The following LAMA2 variants were observed in gnomAD, a reference collection of about 807,000 sequenced individuals.
LAMA2 encodes laminin subunit alpha 2.
Under a neutral mutation model 364.8 loss-of-function variants are expected in LAMA2, and 269 were observed. The ratio of observed to expected loss-of-function variants is 0.74; its 90% CI spans 0.67 to 0.82. The LOEUF is 0.82. LAMA2 is among the 40% of genes least tolerant of loss of function. LAMA2 has a pLI of 0.00. For missense variants in LAMA2, 3,807 were observed against 3,873.2 expected, an observed-to-expected ratio of 0.98 and a Z score of 0.45; for synonymous variants, 1,379 against 1,370.6, an observed-to-expected ratio of 1.01 and a Z score of -0.14.
intron 2 of LAMA2, 29 bp from the exon 3 acceptor site, chr6:129,059,755 C>T (rs1788760055): frequency 7.4e-7 from 1 of 1,342,454 alleles, no homozygotes; most frequent in Non-Finnish European, 1.1e-6. Context: ...TTTTCTTCTT[C>T]CTTTCATATG....
intron 45 of LAMA2, among the ~76,000 whole-genome samples, chr6:129,449,505 C>T (rs1295485420): frequency 6.6e-6 from 1 of 152,126 alleles, no homozygotes; most frequent in Non-Finnish European, 1.5e-5. Context: ...GACCGAAACA[C>T]TTCCCAAAAG....
chr6:128,898,502 G>T lies in LAMA2; in HGVS notation c.112+15145G>T, dbSNP rs566902434. Among the ~76,000 whole-genome samples, 8 of 152,258 alleles carry T rather than the reference G, an allele frequency of 5.3e-5. No homozygotes were observed. The South Asian group carries it at 8.3e-4, about 16-fold the overall frequency. On this transcript the variant is annotated intron_variant, in intron 1 of 64. Coordinates refer to ENST00000421865, the MANE Select transcript of LAMA2 (RefSeq NM_000426.4). ...CCTCCCAGATTGAAATAATCAGCAT[G>T]TCTGTCATCCACACCACCAGAGTTT...
intron 1 of LAMA2, among the ~76,000 whole-genome samples, chr6:128,937,913 T>A (rs1461901427): frequency 1.3e-5 from 2 of 152,042 alleles, no homozygotes; most frequent in Non-Finnish European, 2.9e-5. Flanking sequence ...TATAGGCATT[T>A]ATCAATGTAA....
intron 1 of LAMA2, among the ~76,000 whole-genome samples, chr6:128,997,215 A>G (rs994932385): frequency 1.3e-5 from 2 of 152,058 alleles, no homozygotes; most frequent in African/African-American, 4.8e-5. Flanking sequence ...GCAAACCACC[A>G]TGGCACATGT....
At chr6:129,112,598 T>C (rs182184966) in intron 4 of LAMA2, among the ~76,000 whole-genome samples, 1 of 152,090 alleles carries the variant, frequency 6.6e-6, no homozygotes, top group Admixed American at 6.6e-5. Context: ...AGCACTGTCT[T>C]TATGGCAAAC....
At chr6:128,907,447 G>T (rs1481079101) in intron 1 of LAMA2, among the ~76,000 whole-genome samples, 3 of 152,094 alleles carry the variant, frequency 2.0e-5, no homozygotes, top group African/African-American at 7.2e-5. Flanking sequence ...TCTGTTGTTG[G>T]TGTATAAGAA....
intron 7 of LAMA2, among the ~76,000 whole-genome samples, chr6:129,153,378 G>A (rs1778925582): frequency 1.3e-5 from 2 of 152,288 alleles, no homozygotes; most frequent in Non-Finnish European, 2.9e-5. Context: ...TGACTGCTAA[G>A]TAGAGGAGAG....
chr6:129,335,438 G>A (rs1219831703), intron 29 of LAMA2, among the ~76,000 whole-genome samples: 1 of 151,740 alleles, frequency 6.6e-6, no homozygotes, highest in Non-Finnish European at 1.5e-5. Context: ...GCTACACCCT[G>A]TAGTCAGATT....
intron 40 of LAMA2, among the ~76,000 whole-genome samples, chr6:129,413,937 C>T (rs2114716232): frequency 6.6e-6 from 1 of 152,168 alleles, no homozygotes. Context: ...GTTGACAAAA[C>T]AGCAAGTTGA....
At chr6:129,154,184 C>T (rs186159729) in intron 7 of LAMA2, among the ~76,000 whole-genome samples, 56 of 152,148 alleles carry the variant, frequency 3.7e-4, no homozygotes, top group Middle Eastern at 3.4e-3. Context: ...GAGGCTGAGG[C>T]GGGTGGATCA....
chr6:129,306,437 G>A (rs1583458187), intron 22 of LAMA2, among the ~76,000 whole-genome samples: 1 of 126,166 alleles, frequency 7.9e-6, no homozygotes, highest in African/African-American at 3.0e-5. Flanking sequence ...TTTTCTTTTT[G>A]TGTGTTTAAT....
intron 1 of LAMA2, among the ~76,000 whole-genome samples, chr6:128,974,441 C>T (rs1782393012): frequency 6.6e-6 from 1 of 152,194 alleles, no homozygotes; most frequent in Non-Finnish European, 1.5e-5. Context: ...GACTGAGCTG[C>T]AAGATAAATA....
At chr6:129,445,193 C>A (rs1304263741) in intron 44 of LAMA2, among the ~76,000 whole-genome samples, 1 of 152,098 alleles carries the variant, frequency 6.6e-6, no homozygotes, top group Non-Finnish European at 1.5e-5. Flanking sequence ...TTGATAGCTT[C>A]TCTCTTTAAG....
chr6:129,331,559 G>C (rs1775653555), intron 29 of LAMA2, among the ~76,000 whole-genome samples: 1 of 151,910 alleles, frequency 6.6e-6, no homozygotes, highest in Admixed American at 6.6e-5. Context: ...CTTGTTTCCA[G>C]AAAAGATCAC....
In LAMA2 at chr6:129,297,799, G is replaced by A. The variant is rs1374537851; in HGVS notation, c.2971G>A (p.Val991Ile). 2 of 1,613,944 alleles carry A rather than the reference G, an allele frequency of 1.2e-6. No individual in the cohort carries two copies. The highest frequency in any genetic ancestry group is 2.7e-5 in the African/African-American group (2 of 74,912). Reference sequence around the variant, plus strand: ...TGGACAATGTTGGTGCCAACCTGGAGTCACAGGGAAGAAATGTGACCGCTG... The same window carrying A: ...TGGACAATGTTGGTGCCAACCTGGAATCACAGGGAAGAAATGTGACCGCTG... ...ESGQCWCQPG[V>I]TGKKCDRCAH... Residue 991 changes from valine (V) to isoleucine (I), a missense_variant, in exon 21 of 65, where the codon GTC becomes ATC. Val to Ile is a conservative substitution (Grantham distance 29). Around this residue, in one of 3 missense-constraint regions of LAMA2, gnomAD observed 3,333 missense variants for 3,345.7 expected, o/e 1.00. Transcript: ENST00000421865.
chr6:129,365,439 T>G (rs1259082225), intron 32 of LAMA2, among the ~76,000 whole-genome samples: 1 of 152,182 alleles, frequency 6.6e-6, no homozygotes, highest in African/African-American at 2.4e-5. Context: ...CTTGGCTCAC[T>G]GCAACCTCCG....
At chr6:129,217,109 A>G (rs1364977420) in intron 12 of LAMA2, among the ~76,000 whole-genome samples, 1 of 152,030 alleles carries the variant, frequency 6.6e-6, no homozygotes, top group East Asian at 1.9e-4. Context: ...GAATCGCTTG[A>G]ACCCAGGAGG....
chr6:129,485,673 C>T (rs2114847416), intron 55 of LAMA2, among the ~76,000 whole-genome samples: 1 of 152,264 alleles, frequency 6.6e-6, no homozygotes, highest in Non-Finnish European at 1.5e-5. Flanking sequence ...ATGGTGAGCA[C>T]TTATCCAGAT....
chr6:129,192,785 G>A lies in LAMA2; in HGVS notation c.1714G>A (p.Ala572Thr), dbSNP rs1781601899. The A allele has an allele frequency of 2.5e-6, 4 of 1,614,134 alleles. No homozygotes were observed. Among genetic ancestry groups the A allele is most frequent in the Non-Finnish European group, 3.4e-6 (4 of 1,180,028 alleles). Residue 572 changes from alanine (A) to threonine (T), a missense_variant, in exon 12 of 65, where the codon GCG (alanine) becomes ACG (threonine). Physicochemically the swap from Ala to Thr is moderately conservative, Grantham distance 58 (BLOSUM62 0). Around this residue, in one of 3 missense-constraint regions of LAMA2, gnomAD observed 3,333 missense variants for 3,345.7 expected, o/e 1.00. Coordinates refer to ENST00000421865, the MANE Select transcript of LAMA2 (RefSeq NM_000426.4). ...ACCTCAGCAGATCAGCATCAGTAACGCGGAGGCCCGGCAAGCCCTGCCGCA... is the reference window on the plus strand; with the variant it reads ...ACCTCAGCAGATCAGCATCAGTAACACGGAGGCCCGGCAAGCCCTGCCGCA... ...DSPQQISISN[A>T]EARQALPHSY...
Sources: allele counts gnomAD v4.1 joint callset (sites outside exome capture counted in the v4.1 genomes callset), GRCh38; gene constraint gnomAD v4.1.1; regional missense constraint gnomAD v4.1.1; transcripts MANE v1.5; gene names NCBI Gene and HGNC (gene_info 2026-07-23, HGNC 2026-07-21).